CEP68: variants seen among roughly 807,000 people sequenced by gnomAD.
CEP68 encodes centrosomal protein 68.
In CEP68, 26 loss-of-function variants were observed where a neutral mutation model predicts 55.3. The observed-to-expected ratio is 0.47, with a 90% CI of 0.34 to 0.65. CEP68 has a LOEUF of 0.65. Among genes scored for constraint, CEP68 ranks in the 30% least tolerant of loss-of-function variants. The pLI is 0.01. For missense variants in CEP68, 957 were observed against 946.7 expected (o/e 1.01, Z -0.14); for synonymous variants, 402 against 383.2 (o/e 1.05, Z -0.57).
At position 65,072,814 on chromosome 2, in the gene CEP68, G is replaced by A. The variant is rs1402764116; in HGVS notation, c.1718G>A (p.Ser573Asn). ...GCCCACGACTCCGCAGGGGAAGGCA[G>A]TCTGGGGAGCAGCCAGGCCCTCGGG... ...VRAHDSAGEG[S>N]LGSSQALGVS... Residue 573 changes from serine to asparagine, a missense_variant, in exon 3 of 7, where the codon AGT (serine) becomes AAT (asparagine). Ser to Asn is a conservative substitution (Grantham distance 46). Transcript: ENST00000377990. The A allele has an allele frequency of 1.2e-6, 2 of 1,614,216 alleles. No individual in the cohort carries two copies. Among genetic ancestry groups the A allele is most frequent in the Admixed American group, 1.7e-5 (1 of 60,020 alleles).
chr2:65,077,780 G>T, intron 4 of CEP68, 88 bp from the exon 5 acceptor site: 1 of 938,066 alleles, frequency 1.1e-6, no homozygotes, highest in Admixed American at 2.1e-5. Flanking sequence ...GGGGAATAAG[G>T]CTTCCCTACA....
intron 1 of CEP68, among the ~76,000 whole-genome samples, chr2:65,067,828 G>A (rs71424156): frequency 0.02 from 3,068 of 152,296 alleles, 37 homozygotes; most frequent in Non-Finnish European, 0.029. Context: ...CTAGACGAGC[G>A]TCCGTGCGAA....
At position 65,084,619 on chromosome 2, in the gene CEP68, C is replaced by G. The variant is rs1668975299; in HGVS notation, c.*985C>G. The G allele has an allele frequency of 6.6e-6, 1 of 151,786 alleles. No homozygotes were observed. The highest frequency in any genetic ancestry group is 1.5e-5 in the Non-Finnish European group (1 of 68,014). 9.4% of individuals were successfully genotyped at this position (151,786 alleles called of 1,614,324 possible). Reference sequence around the variant, plus strand: ...TTATTGCTGGTAACTGCAGATTCTACAGAAAAGCACTTTTAAAGTTCTGTT... The same window carrying G: ...TTATTGCTGGTAACTGCAGATTCTAGAGAAAAGCACTTTTAAAGTTCTGTT... On this transcript the variant is annotated 3_prime_UTR_variant, in exon 7 of 7. Coordinates refer to ENST00000377990, the MANE Select transcript of CEP68 (RefSeq NM_015147.3).
chr2:65,076,243 T>G (rs773282373), intron 4 of CEP68, among the ~76,000 whole-genome samples: 9 of 152,166 alleles, frequency 5.9e-5, no homozygotes, highest in Non-Finnish European at 1.3e-4. Flanking sequence ...GAGAGGAAGC[T>G]GCCCTGGTAG....
At chr2:65,068,823 G>T (rs1171417297) in intron 1 of CEP68, among the ~76,000 whole-genome samples, 1 of 151,190 alleles carries the variant, frequency 6.6e-6, no homozygotes, top group Non-Finnish European at 1.5e-5. Context: ...GTAAGACCCT[G>T]TCTCAGAAAA....
intron 1 of CEP68, among the ~76,000 whole-genome samples, chr2:65,056,830 C>CGAGGGAGT (rs1675626937): frequency 6.6e-6 from 1 of 152,088 alleles, no homozygotes; most frequent in Non-Finnish European, 1.5e-5. Flanking sequence ...CCGGGCGCGG[C>CGAGGGAGT]GAGGGAGTGC....
At position 65,074,274 on chromosome 2, in the gene CEP68, C is replaced by T. The variant is rs901401430; in HGVS notation, c.1885-8C>T. 1 of 1,613,854 alleles carries T rather than the reference C, an allele frequency of 6.2e-7. No individual in the cohort carries two copies. Among genetic ancestry groups the T allele is most frequent in the African/African-American group, 1.3e-5 (1 of 75,030 alleles). Reference sequence around the variant, plus strand: ...TAACACCATGTGTCCTTTTATTTGTCTCTGCAGACATTTTGCTGTCAGCTG... The same window carrying T: ...TAACACCATGTGTCCTTTTATTTGTTTCTGCAGACATTTTGCTGTCAGCTG... On this transcript the variant is annotated splice_polypyrimidine_tract_variant and splice_region_variant and intron_variant, in intron 3 of 6. Coordinates refer to ENST00000377990, the MANE Select transcript of CEP68 (RefSeq NM_015147.3).
chr2:65,081,237 G>A (rs1676998659), intron 5 of CEP68, among the ~76,000 whole-genome samples: 2 of 151,038 alleles, frequency 1.3e-5, no homozygotes, highest in Non-Finnish European at 2.9e-5. Context: ...GAAACTGGAG[G>A]GTAGAACCCA....
rs762574156 is a variant in CEP68, at chr2:65,069,498, C to G, written c.54C>G (p.Ala18=). ...AEAEASEDTK[A]QSYGRGSCRE... is the part of the protein sequence containing the mutation. ...CGGAAGCATCTGAAGACACAAAGGC[C>G]CAGTCCTATGGGAGAGGGAGCTGCA... The change falls in exon 2 of 7, where the codon GCC becomes GCG. Residue 18 remains alanine, a synonymous_variant. Transcript: ENST00000377990. The G allele has an allele frequency of 2.8e-5, 44 of 1,554,200 alleles. No individual in the cohort carries two copies. The highest frequency in any genetic ancestry group is 3.5e-5 in the Non-Finnish European group (40 of 1,149,630).
chr2:65,066,279 TTTC>T (rs1676159295), intron 1 of CEP68, among the ~76,000 whole-genome samples: 1 of 152,166 alleles, frequency 6.6e-6, no homozygotes, highest in African/African-American at 2.4e-5. Flanking sequence ...GGAATCAGGG[TTTC>T]TTATCAATGA....
rs570129154 is a variant in CEP68, at chr2:65,061,037, C to T, written c.-47+4509C>T. On this transcript the variant is annotated intron_variant, in intron 1 of 6. Coordinates refer to ENST00000377990, the MANE Select transcript of CEP68 (RefSeq NM_015147.3). ...ACTAAAAATACTAAAATTAGCCAGG[C>T]GTGGTGGTGGGTGCCTGTAATCCCA... Among the ~76,000 whole-genome samples, 5 of 152,180 alleles carry T rather than the reference C, an allele frequency of 3.3e-5. No individual in the cohort carries two copies. In the East Asian group the frequency reaches 7.7e-4, roughly 23 times the overall value.
At chr2:65,079,402 A>C (rs1676904982) in intron 5 of CEP68, among the ~76,000 whole-genome samples, 1 of 152,166 alleles carries the variant, frequency 6.6e-6, no homozygotes, top group Admixed American at 6.5e-5. Flanking sequence ...ACACATTGCT[A>C]AGTGTACCCT....
rs146568738 is a variant in CEP68, at chr2:65,072,830, G to A, written c.1734G>A (p.Gln578=). The change falls in exon 3 of 7, where the codon CAG becomes CAA. Residue 578 remains glutamine (Q), a synonymous_variant. Coordinates refer to ENST00000377990, the MANE Select transcript of CEP68 (RefSeq NM_015147.3). The stretch of plus-strand genomic sequence containing the variant: ...GGGAAGGCAGTCTGGGGAGCAGCCA[G>A]GCCCTCGGGGTCTCCTCTGGACTGC... ...SAGEGSLGSS[Q]ALGVSSGLLK... is the part of the protein sequence containing the mutation. 327 of 1,614,192 alleles carry A rather than the reference G, an allele frequency of 2.0e-4. 1 individual carries two copies. In the African/African-American group the frequency reaches 3.7e-3, roughly 18 times the overall value.
At chr2:65,074,768 C>CG (rs1676682139) in intron 4 of CEP68, 1 of 241,102 alleles carries the variant, frequency 4.1e-6, no homozygotes, top group Non-Finnish European at 8.3e-6. Flanking sequence ...AGCAAGACCC[C>CG]CCCCCCTCAA....
At chr2:65,062,216 A>G (rs1675942928) in intron 1 of CEP68, among the ~76,000 whole-genome samples, 1 of 152,154 alleles carries the variant, frequency 6.6e-6, no homozygotes, top group Non-Finnish European at 1.5e-5. Context: ...TATAAATGAG[A>G]TTGTTTCAAA....
In CEP68 at chr2:65,058,500, T is replaced by TA. The variant is rs1395051854; in HGVS notation, c.-47+1972_-47+1973insA. 2.4e-3 allele frequency among the ~76,000 whole-genome samples: 173 copies of TA among 71,364 alleles called. 1 individual carries two copies. The highest frequency in any genetic ancestry group is 0.01 in the African/African-American group (159 of 15,160). 46.8% of individuals were successfully genotyped at this position (71,364 alleles called of 152,430 possible). A position where few individuals can be genotyped will look rare whatever the true frequency, so the allele number is the denominator to read the frequency against. On this transcript the variant is annotated intron_variant, in intron 1 of 6. Coordinates refer to ENST00000377990, the MANE Select transcript of CEP68 (RefSeq NM_015147.3). The stretch of plus-strand genomic sequence containing the variant: ...TATCCGATGGCTGATTTTTTTCCTT[T>TA]TTTTTTTTTTTTTTTTTTTTTTTGA...
Position 65,080,234 on chromosome 2 carries a change from AAG to A in CEP68, c.2104+2273_2104+2274del, listed in dbSNP as rs953697223. ...GTGCTTAGTCCCACTTTGCTCTCTCAAGAGGTTTTTTACTGGCTTTGGGGTTT... is the reference window on the plus strand; with the variant it reads ...GTGCTTAGTCCCACTTTGCTCTCTCAAGGTTTTTTACTGGCTTTGGGGTTT... On this transcript the variant is annotated intron_variant, in intron 5 of 6. Coordinates refer to ENST00000377990, the MANE Select transcript of CEP68 (RefSeq NM_015147.3). The A allele has an allele frequency of 1.6e-5, 16 of 985,020 alleles. No homozygotes were observed. In the Admixed American group the frequency reaches 3.7e-4, roughly 23 times the overall value. 61.0% of individuals were successfully genotyped at this position (985,020 alleles called of 1,614,324 possible).
intron 3 of CEP68, 40 bp from the exon 4 acceptor site, chr2:65,074,242 C>T (rs768995032): frequency 5.0e-6 from 8 of 1,606,758 alleles, no homozygotes; most frequent in East Asian, 2.2e-5. Context: ...AATAGCTGTT[C>T]GATCAGTAAC....
At chr2:65,074,142 C>A in intron 3 of CEP68, 140 bp from the exon 4 acceptor site, 1 of 926,720 alleles carries the variant, frequency 1.1e-6, no homozygotes, top group Non-Finnish European at 1.6e-6. Context: ...GTCGTGGAGT[C>A]GGGACAGGTG....
Sources: allele counts gnomAD v4.1 joint callset (sites outside exome capture counted in the v4.1 genomes callset), GRCh38; gene constraint gnomAD v4.1.1; transcripts MANE v1.5; gene names NCBI Gene and HGNC (gene_info 2026-07-23, HGNC 2026-07-21).